RASSF3: variants seen among roughly 807,000 people sequenced by gnomAD.
The protein encoded by RASSF3 is Ras association domain family member 3.
In RASSF3, 19 loss-of-function variants were observed where a neutral mutation model predicts 19.9. The ratio of observed to expected loss-of-function variants is 0.96; its 90% confidence interval spans 0.67 to 1.40. The LOEUF is 1.40. Ranked by LOEUF, RASSF3 falls within the 40% of genes most tolerant of loss-of-function variation. The pLI is 0.00. For synonymous variants in RASSF3, 110 were observed against 104.2 expected (o/e 1.06, Z -0.34); for missense variants, 306 against 289.8 (o/e 1.06, Z -0.41).
At chr12:64,525,996 T>C (rs1182958696) in intron 1 of RASSF3, among the ~76,000 whole-genome samples, 2 of 152,156 alleles carry the variant, frequency 1.3e-5, no homozygotes, top group African/African-American at 2.4e-5. Context: ...ATCTCCCAAA[T>C]AGAACTCATT....
At chr12:64,590,362 G>A (rs1716487) in intron 2 of RASSF3, among the ~76,000 whole-genome samples, 1 of 151,936 alleles carries the variant, frequency 6.6e-6, no homozygotes, top group South Asian at 2.1e-4. Context: ...ACAGTAAACA[G>A]TAAAAACATT....
intron 1 of RASSF3, among the ~76,000 whole-genome samples, chr12:64,684,431 GTTTGTT>G (rs1441171241): frequency 4.9e-5 from 6 of 121,506 alleles, no homozygotes; most frequent in African/African-American, 1.9e-4. Flanking sequence ...TTGTTTGTTT[GTTTGTT>G]TTTTTTTTTT....
At chr12:64,690,906 G>C (rs1868270433) in intron 3 of RASSF3, among the ~76,000 whole-genome samples, 1 of 151,716 alleles carries the variant, frequency 6.6e-6, no homozygotes, top group Non-Finnish European at 1.5e-5. Flanking sequence ...TGTTGCCCAG[G>C]CAGGAGCGCA....
chr12:64,538,286 C>G (rs1311105793), intron 1 of RASSF3, among the ~76,000 whole-genome samples: 1 of 152,184 alleles, frequency 6.6e-6, no homozygotes, highest in African/African-American at 2.4e-5. Context: ...AGCCGCTGTG[C>G]CTGGCCTTAG....
intron 2 of RASSF3, among the ~76,000 whole-genome samples, chr12:64,603,996 C>T (rs746435807): frequency 1.3e-5 from 2 of 152,092 alleles, no homozygotes; most frequent in Non-Finnish European, 2.9e-5. Flanking sequence ...TATAGGCATA[C>T]GCCACCACGC....
intron 2 of RASSF3, among the ~76,000 whole-genome samples, chr12:64,571,010 G>A (rs56271113): frequency 0.015 from 2,312 of 152,218 alleles, 54 homozygotes; most frequent in African/African-American, 0.053. Context: ...CTGAGGTCAG[G>A]AGTTCAAGAC....
chr12:64,603,842 C>G lies in RASSF3; in HGVS notation c.294+62137C>G, dbSNP rs143508511. Among the ~76,000 whole-genome samples the G allele has an allele frequency of 6.0e-3, 916 of 152,184 alleles. 10 individuals carry two copies. Among genetic ancestry groups the G allele is most frequent in the African/African-American group, 0.021 (870 of 41,538 alleles). On this transcript the variant is annotated intron_variant, in intron 2 of 5. Transcript: ENST00000637125. ...CATTTGAACACAGGCAGTCTGATTT[C>G]CTTTTTTTTTTCTTTTTCTTTTTTG...
At chr12:64,551,620 G>A (rs1238776192) in intron 2 of RASSF3, among the ~76,000 whole-genome samples, 1 of 152,166 alleles carries the variant, frequency 6.6e-6, no homozygotes, top group African/African-American at 2.4e-5. Context: ...CTACTACTTA[G>A]CATTGCTGTG....
chr12:64,589,190 C>A (rs1448549908), intron 2 of RASSF3, among the ~76,000 whole-genome samples: 7 of 152,236 alleles, frequency 4.6e-5, no homozygotes, highest in Admixed American at 1.3e-4. Context: ...TGGCTCACGC[C>A]TATAATCCCA....
At chr12:64,581,716 A>C (rs956491785) in intron 2 of RASSF3, among the ~76,000 whole-genome samples, 2 of 152,084 alleles carry the variant, frequency 1.3e-5, no homozygotes, top group African/African-American at 4.8e-5. Flanking sequence ...CATATAATGA[A>C]GACCTCATTG....
chr12:64,635,333 C>G (rs1166312897), intron 1 of RASSF3, among the ~76,000 whole-genome samples: 1 of 152,196 alleles, frequency 6.6e-6, no homozygotes, highest in Non-Finnish European at 1.5e-5. Context: ...TAGTATCACA[C>G]ATTTATTACG....
intron 1 of RASSF3, among the ~76,000 whole-genome samples, chr12:64,651,016 T>C (rs1351376570): frequency 1.3e-5 from 2 of 152,196 alleles, no homozygotes; most frequent in Non-Finnish European, 2.9e-5. Flanking sequence ...TTCCAAGATC[T>C]GTTTGCTGTG....
intron 4 of RASSF3, among the ~76,000 whole-genome samples, chr12:64,692,071 T>C (rs1158459211): frequency 6.6e-6 from 1 of 152,168 alleles, no homozygotes; most frequent in Non-Finnish European, 1.5e-5. Context: ...CCCAGTCAAC[T>C]GATTAAGAAA....
In RASSF3 at chr12:64,553,022, G is replaced by A. The variant is rs11175449; in HGVS notation, c.294+11317G>A. ...TCAGGAGATCGAGACCAGCCTGGCC[G>A]ACATGGCAAAACCCCATCTCCACTA... On this transcript the variant is annotated intron_variant, in intron 2 of 5. Transcript: ENST00000637125. Among the ~76,000 whole-genome samples, 309 of 152,126 alleles carry A rather than the reference G, an allele frequency of 2.0e-3. 2 individuals carry two copies. The highest frequency in any genetic ancestry group is 6.6e-3 in the African/African-American group (272 of 41,518).
chr12:64,549,314 C>T (rs1869118667), intron 2 of RASSF3, among the ~76,000 whole-genome samples: 1 of 152,158 alleles, frequency 6.6e-6, no homozygotes, highest in East Asian at 1.9e-4. Context: ...GCCTGGACAA[C>T]ATAGTGAGAC....
At chr12:64,650,787 A>G (rs1009050661) in intron 1 of RASSF3, among the ~76,000 whole-genome samples, 1 of 152,192 alleles carries the variant, frequency 6.6e-6, no homozygotes, top group African/African-American at 2.4e-5. Context: ...CAATGGTTTC[A>G]CTAAAGGGAA....
chr12:64,596,355 C>T (rs1028865839), intron 2 of RASSF3, among the ~76,000 whole-genome samples: 6 of 152,200 alleles, frequency 3.9e-5, no homozygotes, highest in African/African-American at 1.4e-4. Flanking sequence ...AAAGCTCTCC[C>T]TTGGCTCCTG....
intron 1 of RASSF3, among the ~76,000 whole-genome samples, chr12:64,619,809 G>A (rs1435072100): frequency 6.6e-6 from 1 of 151,834 alleles, no homozygotes; most frequent in Non-Finnish European, 1.5e-5. Flanking sequence ...GTGAAACCCC[G>A]TCTCTACTAA....
intron 2 of RASSF3, among the ~76,000 whole-genome samples, chr12:64,595,534 C>T (rs1442753780): frequency 6.6e-6 from 1 of 152,110 alleles, no homozygotes; most frequent in Non-Finnish European, 1.5e-5. Flanking sequence ...GCTTTCATTC[C>T]TTTTTCTGTG....
Sources: allele counts gnomAD v4.1 joint callset (sites outside exome capture counted in the v4.1 genomes callset), GRCh38; gene constraint gnomAD v4.1.1; transcripts MANE v1.5; gene names NCBI Gene and HGNC (gene_info 2026-07-23, HGNC 2026-07-21).